The following TNR variants were observed in gnomAD, a reference collection of about 807,000 sequenced individuals.
The protein encoded by TNR is tenascin R.
Under a neutral mutation model 150.4 loss-of-function variants are expected in TNR, and 45 were observed. The ratio of observed to expected loss-of-function variants is 0.30; its 90% CI spans 0.24 to 0.38. TNR has a LOEUF of 0.38. Among genes scored for constraint, TNR ranks in the 10% least tolerant of loss-of-function variants. The pLI, the probability that TNR is intolerant of heterozygous loss-of-function variation, is 1.00. For missense variants in TNR, 1,544 were observed against 1,759.1 expected, an observed-to-expected ratio of 0.88 and a Z score of 2.19; for synonymous variants, 687 against 678.4, an observed-to-expected ratio of 1.01 and a Z score of -0.20.
intron 2 of TNR, among the ~76,000 whole-genome samples, chr1:175,492,400 C>A (rs1426982978): frequency 1.3e-5 from 2 of 152,158 alleles, no homozygotes; most frequent in East Asian, 1.9e-4. Flanking sequence ...AAAATGATTT[C>A]TTCTGGGAAT....
chr1:175,738,789 T>C (rs1667843838), intron 1 of TNR, among the ~76,000 whole-genome samples: 1 of 152,240 alleles, frequency 6.6e-6, no homozygotes, highest in Non-Finnish European at 1.5e-5. Flanking sequence ...GGTTCTTATA[T>C]ATGATGGGAA....
chr1:175,734,040 G>GAT (rs1463693895), intron 1 of TNR, among the ~76,000 whole-genome samples: 55 of 152,346 alleles, frequency 3.6e-4, no homozygotes, highest in Admixed American at 9.8e-4. Context: ...GATTGCTGGT[G>GAT]ACAGTATGAG....
At chr1:175,700,255 G>A (rs577123006) in intron 1 of TNR, among the ~76,000 whole-genome samples, 1 of 151,774 alleles carries the variant, frequency 6.6e-6, no homozygotes, top group Non-Finnish European at 1.5e-5. Flanking sequence ...ATCCAGTCAT[G>A]GCTGAGCTAA....
rs920602215 is a variant in TNR at position 175,375,085 on chromosome 1, C to T, written c.1963+4467G>A. 3.3e-5 allele frequency among the ~76,000 whole-genome samples: 5 copies of T among 152,158 alleles called. No homozygotes were observed. The East Asian group carries it at 9.7e-4, about 29-fold the overall frequency. On this transcript the variant is annotated intron_variant, in intron 9 of 22. Transcript: ENST00000367674. ...CAGTCAGGGAAGTTGATTTTTTTCGCTAAATTGCAATCAGCAACTAAAAAT... is the reference window on the plus strand; with the variant it reads ...CAGTCAGGGAAGTTGATTTTTTTCGTTAAATTGCAATCAGCAACTAAAAAT...
chr1:175,454,100 T>C (rs554856101), intron 2 of TNR, among the ~76,000 whole-genome samples: 1 of 152,160 alleles, frequency 6.6e-6, no homozygotes, highest in African/African-American at 2.4e-5. Flanking sequence ...TGGTTGTCTG[T>C]CTGTTGGGGT....
Position 175,406,724 on chromosome 1 carries a change from CAG to C in TNR, c.-12_-11del, listed in dbSNP as rs1557914096. ...CCCCATCTGCCCCCATCCTCTCAGC[CAG>C]AGATCTGGGTTCAGGACCAGCCTGC... On this transcript the variant is annotated 5_prime_UTR_variant, in exon 3 of 23. Transcript: ENST00000367674. 1 of 1,611,998 alleles carries C rather than the reference CAG, an allele frequency of 6.2e-7. No individual in the cohort carries two copies.
At chr1:175,675,700 C>G (rs12755733) in intron 1 of TNR, among the ~76,000 whole-genome samples, 3,884 of 152,280 alleles carry the variant, frequency 0.026, 76 homozygotes, top group Non-Finnish European at 0.039. Flanking sequence ...CTTCCTTAGC[C>G]TTGCTGCTAC....
intron 2 of TNR, among the ~76,000 whole-genome samples, chr1:175,445,964 C>T (rs1041355585): frequency 6.6e-6 from 1 of 152,150 alleles, no homozygotes; most frequent in African/African-American, 2.4e-5. Flanking sequence ...GGGAAACACA[C>T]GGTTCCTGTG....
At chr1:175,391,941 C>T (rs1462762958) in intron 6 of TNR, among the ~76,000 whole-genome samples, 2 of 152,166 alleles carry the variant, frequency 1.3e-5, no homozygotes, top group Non-Finnish European at 2.9e-5. Context: ...TGAGCCAGAG[C>T]TAATATTTTG....
chr1:175,511,673 G>GAAGCC (rs1659179576), intron 2 of TNR, among the ~76,000 whole-genome samples: 1 of 152,192 alleles, frequency 6.6e-6, no homozygotes, highest in Admixed American at 6.5e-5. Context: ...AGGAAAATAA[G>GAAGCC]AAGCCCTGCC....
chr1:175,725,859 G>C (rs1220787970), intron 1 of TNR, among the ~76,000 whole-genome samples: 1 of 152,152 alleles, frequency 6.6e-6, no homozygotes, highest in Non-Finnish European at 1.5e-5. Context: ...TCAGCACCTA[G>C]GACAGTTCCT....
chr1:175,532,526 A>G (rs1660112117), intron 1 of TNR, among the ~76,000 whole-genome samples: 1 of 152,234 alleles, frequency 6.6e-6, no homozygotes, highest in Admixed American at 6.5e-5. Flanking sequence ...TTTGCAATTC[A>G]GCAGAGTGTA....
Position 175,355,608 on chromosome 1 carries a change from T to C in TNR, c.3144A>G (p.Thr1048=), listed in dbSNP as rs769847703. 3.1e-6 allele frequency: 5 copies of C among 1,613,964 alleles called. No individual in the cohort carries two copies. In the South Asian group the frequency reaches 5.5e-5, roughly 18 times the overall value. ...CACTTTGTCTGGTGACTTCACTGGCTGTCAGGTTTGCCGGAGGGTCCAGGA... is the reference window on the plus strand; with the variant it reads ...CACTTTGTCTGGTGACTTCACTGGCCGTCAGGTTTGCCGGAGGGTCCAGGA... The part of the protein sequence containing the change: ...STLLDPPANL[T]ASEVTRQSAL... The change falls in exon 17 of 23, where the codon ACA becomes ACG. Residue 1048 remains threonine, a synonymous_variant. Transcript: ENST00000367674.
chr1:175,381,316 G>C (rs561187021), intron 8 of TNR, among the ~76,000 whole-genome samples: 1 of 152,334 alleles, frequency 6.6e-6, no homozygotes, highest in South Asian at 2.1e-4. Context: ...TTAGGGTTAA[G>C]GTTGAGACTT....
intron 2 of TNR, among the ~76,000 whole-genome samples, chr1:175,440,641 G>A (rs1427415099): frequency 6.6e-6 from 1 of 151,832 alleles, no homozygotes; most frequent in Non-Finnish European, 1.5e-5. Context: ...TGAAGTGAGA[G>A]GGGAACCAAA....
At chr1:175,404,162 G>A (rs1653847980) in intron 3 of TNR, among the ~76,000 whole-genome samples, 1 of 152,170 alleles carries the variant, frequency 6.6e-6, no homozygotes, top group South Asian at 2.1e-4. Context: ...AGCCCAAGAA[G>A]TTTCCAACAA....
chr1:175,355,227 A>G (rs542548532), intron 17 of TNR, among the ~76,000 whole-genome samples: 7 of 152,340 alleles, frequency 4.6e-5, no homozygotes, highest in Middle Eastern at 3.4e-3. Context: ...TTCATTAGCT[A>G]GAGAAGAAAG....
At chr1:175,617,624 C>T (rs1663823726) in intron 1 of TNR, among the ~76,000 whole-genome samples, 1 of 152,206 alleles carries the variant, frequency 6.6e-6, no homozygotes, top group Non-Finnish European at 1.5e-5. Context: ...AGGTCCCATT[C>T]CAGACCTGCT....
chr1:175,496,008 A>T (rs969325917), intron 2 of TNR, among the ~76,000 whole-genome samples: 3 of 152,280 alleles, frequency 2.0e-5, no homozygotes, highest in South Asian at 2.1e-4. Context: ...GCCTTTCAAC[A>T]TCCTGCTGGC....
Sources: allele counts gnomAD v4.1 joint callset (sites outside exome capture counted in the v4.1 genomes callset), GRCh38; gene constraint gnomAD v4.1.1; transcripts MANE v1.5; gene names NCBI Gene and HGNC (gene_info 2026-07-23, HGNC 2026-07-21).